Variants in RBFOX1 observed in about 807,000 individuals in gnomAD.
RBFOX1 encodes RNA binding protein fox-1 homolog 1.
A neutral mutation model predicts 57.7 loss-of-function variants in RBFOX1; 8 were observed. The observed-to-expected ratio is 0.14, with a 90% CI of 0.08 to 0.25. RBFOX1 has a LOEUF of 0.25. Among genes scored for constraint, RBFOX1 ranks in the 10% least tolerant of loss-of-function variants. RBFOX1 has a pLI of 1.00. For synonymous variants in RBFOX1, 326 were observed against 222.4 expected (o/e 1.47, Z -4.15); for missense variants, 611 against 548.5 (o/e 1.11, Z -1.14).
intron 3 of RBFOX1, among the ~76,000 whole-genome samples, chr16:6,676,487 G>A (rs2057712237): frequency 6.6e-6 from 1 of 151,968 alleles, no homozygotes; most frequent in South Asian, 2.1e-4. Context: ...AATGGGGAGG[G>A]CCTTGGGAAT....
chr16:5,616,832 TTTC>T (rs2048041219), intron 3 of RBFOX1, among the ~76,000 whole-genome samples: 1 of 149,302 alleles, frequency 6.7e-6, no homozygotes, highest in South Asian at 2.2e-4. Context: ...CTTCTTTCTC[TTTC>T]TTCTCCTCCT....
At chr16:5,463,401 C>T (rs1407245198) in intron 1 of RBFOX1, among the ~76,000 whole-genome samples, 2 of 151,950 alleles carry the variant, frequency 1.3e-5, no homozygotes, top group Admixed American at 1.3e-4. Flanking sequence ...TACCATTGAG[C>T]TTAGCAATAC....
chr16:7,680,248 T>A (rs1383468594), intron 14 of RBFOX1, among the ~76,000 whole-genome samples: 1 of 152,156 alleles, frequency 6.6e-6, no homozygotes, highest in Non-Finnish European at 1.5e-5. Flanking sequence ...TGTTGTTGCA[T>A]CTTGAAGCAG....
At chr16:5,591,935 A>T (rs979632591) in intron 2 of RBFOX1, among the ~76,000 whole-genome samples, 1 of 152,222 alleles carries the variant, frequency 6.6e-6, no homozygotes, top group Non-Finnish European at 1.5e-5. Flanking sequence ...ATGTTGGCCA[A>T]TGTATAATTT....
At chr16:7,505,258 A>AT (rs1291547337) in intron 4 of RBFOX1, among the ~76,000 whole-genome samples, 3 of 151,300 alleles carry the variant, frequency 2.0e-5, no homozygotes, top group Non-Finnish European at 2.9e-5. Flanking sequence ...AAAAAAAAAA[A>AT]GGAAACCAGA....
intron 3 of RBFOX1, among the ~76,000 whole-genome samples, chr16:5,652,812 C>T (rs893405216): frequency 8.5e-5 from 13 of 152,238 alleles, no homozygotes; most frequent in African/African-American, 3.1e-4. Flanking sequence ...TTTCCCAGCT[C>T]AGCCACCTTA....
intron 3 of RBFOX1, among the ~76,000 whole-genome samples, chr16:5,772,867 G>A (rs2054026387): frequency 6.6e-6 from 1 of 152,248 alleles, no homozygotes; most frequent in South Asian, 2.1e-4. Context: ...TTAAATAAGA[G>A]GTCAAGAGTA....
chr16:6,814,255 G>GA (rs147529062), intron 3 of RBFOX1, among the ~76,000 whole-genome samples: 5,270 of 141,032 alleles, frequency 0.037, 259 homozygotes, highest in South Asian at 0.15. Flanking sequence ...TGTGGTGGGG[G>GA]GGAGGGAGGA....
rs533370163 is a variant in RBFOX1 at position 7,304,306 on chromosome 16, A to C, written c.28-213841A>C. 21 of 985,198 alleles carry C rather than the reference A, an allele frequency of 2.1e-5. No individual in the cohort carries two copies. The East Asian group carries it at 1.9e-3, about 91-fold the overall frequency. 61.0% of individuals were successfully genotyped at this position (985,198 alleles called of 1,614,324 possible). A position where few individuals can be genotyped will look rare whatever the true frequency, so the allele number is the denominator to read the frequency against. On this transcript the variant is annotated intron_variant, in intron 4 of 15. Transcript: ENST00000550418. ...CAGCAAAATTAAAAAAGAAAAAAAA[A>C]AATTGTAGCGCCCAGGCAGAGAGCA...
At position 6,970,879 on chromosome 16, in the gene RBFOX1, A is replaced by G. The variant is rs559258677; in HGVS notation, c.-15-81178A>G. ...AAGAAGGCTGTGCTAGTAAGAGACA[A>G]CTGCAGTAAGGCTCAAAGACCTTTG... On this transcript the variant is annotated intron_variant, in intron 3 of 15. Coordinates refer to ENST00000550418, the MANE Select transcript of RBFOX1 (RefSeq NM_018723.4). Among the ~76,000 whole-genome samples the G allele has an allele frequency of 2.6e-5, 4 of 152,304 alleles. No individual in the cohort carries two copies. In the East Asian group the frequency reaches 7.7e-4, roughly 29 times the overall value.
In RBFOX1 at chr16:6,936,472, C is replaced by T. The variant is rs544806837; in HGVS notation, c.-15-115585C>T. Among the ~76,000 whole-genome samples the T allele has an allele frequency of 9.0e-4, 137 of 152,198 alleles. 1 individual carries two copies. The highest frequency in any genetic ancestry group is 6.8e-3 in the Middle Eastern group (2 of 294). ...CTGTCCTATTATCATTACTTTCTTC[C>T]TTCATCCAACATTGAGTAATTGACT... On this transcript the variant is annotated intron_variant, in intron 3 of 15. Transcript: ENST00000550418.
intron 4 of RBFOX1, chr16:7,304,397 C>A (rs1179604337): frequency 2.0e-6 from 2 of 985,314 alleles, no homozygotes; most frequent in Non-Finnish European, 2.4e-6. Context: ...ATGCAGCATC[C>A]TCTGACGGGG....
chr16:6,658,988 C>T (rs886156642), intron 3 of RBFOX1, among the ~76,000 whole-genome samples: 3 of 148,860 alleles, frequency 2.0e-5, no homozygotes, highest in Non-Finnish European at 3.0e-5. Context: ...GGAGCTAATG[C>T]AGATTTAGCA....
rs1412479062 is a variant in RBFOX1, at chr16:7,034,848, C to CTTTTCTTTTTTTTTT, written c.-15-17205_-15-17204insCTTTTTTTTTTTTTT. 2.8e-3 allele frequency among the ~76,000 whole-genome samples: 87 copies of CTTTTCTTTTTTTTTT among 30,844 alleles called. 15 individuals carry two copies. The highest frequency in any genetic ancestry group is 0.013 in the African/African-American group (76 of 5,756). 20.2% of individuals were successfully genotyped at this position (30,844 alleles called of 152,430 possible). A position where few individuals can be genotyped will look rare whatever the true frequency, so the allele number is the denominator to read the frequency against. On this transcript the variant is annotated intron_variant, in intron 3 of 15. Coordinates refer to ENST00000550418, the MANE Select transcript of RBFOX1 (RefSeq NM_018723.4). ...ATTACTTTTTTTTTTTTTCTTTTTTCTTTTTTTTTTTTTTTTTTGAGATGG... is the reference window on the plus strand; with the variant it reads ...ATTACTTTTTTTTTTTTTCTTTTTTCTTTTCTTTTTTTTTTTTTTTTTTTTTTTTTTTTGAGATGG...
chr16:7,160,629 A>G (rs180986743), intron 4 of RBFOX1, among the ~76,000 whole-genome samples: 1 of 152,094 alleles, frequency 6.6e-6, no homozygotes, highest in East Asian at 1.9e-4. Context: ...TTTTTTCAGT[A>G]TGATTTACAC....
intron 3 of RBFOX1, among the ~76,000 whole-genome samples, chr16:5,694,283 C>T (rs1487658738): frequency 3.3e-5 from 5 of 152,226 alleles, no homozygotes; most frequent in Non-Finnish European, 4.4e-5. Context: ...CATCTTGACA[C>T]ACTGCTAAAG....
intron 2 of RBFOX1, among the ~76,000 whole-genome samples, chr16:6,628,178 G>A (rs932205169): frequency 7.2e-5 from 11 of 152,142 alleles, no homozygotes; most frequent in Non-Finnish European, 1.2e-4. Flanking sequence ...TCCTGCTTAC[G>A]GGTACCTTGG....
intron 4 of RBFOX1, among the ~76,000 whole-genome samples, chr16:7,376,093 C>G (rs547494061): frequency 1.3e-5 from 2 of 152,226 alleles, no homozygotes; most frequent in African/African-American, 4.8e-5. Flanking sequence ...GTGTACATTT[C>G]TAAGGCACTT....
intron 2 of RBFOX1, among the ~76,000 whole-genome samples, chr16:6,576,506 G>A (rs2097439218): frequency 6.6e-6 from 1 of 152,078 alleles, no homozygotes; most frequent in Non-Finnish European, 1.5e-5. Context: ...TCTTCTAAGG[G>A]TCTTAAAAAC....
Sources: gnomAD v4.1 joint callset for allele counts (sites outside exome capture counted in the v4.1 genomes callset) on GRCh38, gnomAD v4.1.1 for gene constraint, MANE v1.5 for transcripts, NCBI Gene and HGNC (gene_info 2026-07-23, HGNC 2026-07-21) for gene names.